Variants in BRCA1 observed in about 807,000 individuals in gnomAD.
BRCA1 encodes breast cancer type 1 susceptibility protein.
A neutral mutation model predicts 173.7 loss-of-function variants in BRCA1; 140 were observed. That is an observed-to-expected ratio of 0.81 (90% CI 0.70 to 0.93). The LOEUF (loss-of-function observed/expected upper bound fraction) is 0.93, where lower values mean the gene tolerates loss of function less well. Among genes scored for constraint, BRCA1 ranks in the 40% least tolerant of loss-of-function variants. The pLI, the probability that BRCA1 is intolerant of heterozygous loss-of-function variation, is 0.00. For missense variants in BRCA1, 1,983 were observed against 2,172.5 expected, an observed-to-expected ratio of 0.91 and a Z score of 1.73; for synonymous variants, 662 against 756.0, an observed-to-expected ratio of 0.88 and a Z score of 2.04.
intron 14 of BRCA1, among the ~76,000 whole-genome samples, chr17:43,072,934 C>G (rs572457502): frequency 6.6e-6 from 1 of 150,434 alleles, no homozygotes; most frequent in East Asian, 2.0e-4. Context: ...CCAGGCTGGT[C>G]TTGAACTCTT....
At position 43,093,712 on chromosome 17, in the gene BRCA1, T is replaced by C. The variant is rs80357220; in HGVS notation, c.1819A>G (p.Lys607Glu). The change falls in exon 10 of 23, where the codon AAA (lysine) becomes GAA (glutamate). Residue 607 changes from lysine (K) to glutamate (E), a missense_variant. By Grantham distance (56) the Lys-to-Glu change is moderately conservative. Coordinates refer to ENST00000357654, the MANE Select transcript of BRCA1 (RefSeq NM_007294.4). ...ELNIHNSKAP[K>E]KNRLRRKSST... Reference sequence around the variant, plus strand: ...GACTTCCTCCTCAGCCTATTCTTTTTAGGTGCTTTTGAATTGTGGATATTT... The same window carrying C: ...GACTTCCTCCTCAGCCTATTCTTTTCAGGTGCTTTTGAATTGTGGATATTT... 1 of 1,614,126 alleles carries C rather than the reference T, an allele frequency of 6.2e-7. No homozygotes were observed. The highest frequency in any genetic ancestry group is 2.2e-5 in the East Asian group (1 of 44,878).
At chr17:43,090,374 TTTTG>T (rs893158988) in intron 11 of BRCA1, among the ~76,000 whole-genome samples, 4 of 152,076 alleles carry the variant, frequency 2.6e-5, no homozygotes, top group Admixed American at 6.6e-5. Flanking sequence ...AATGATGTGT[TTTTG>T]TTTGTTTGTT....
chr17:43,094,588 T>C lies in BRCA1; in HGVS notation c.943A>G (p.Arg315Gly), dbSNP rs80357050. The C allele has an allele frequency of 6.2e-7, 1 of 1,614,218 alleles. No individual in the cohort carries two copies. Among genetic ancestry groups the C allele is most frequent in the African/African-American group, 1.3e-5 (1 of 75,068 alleles). ...CNKSKQPGLARSQHNRWAGSK... is the reference protein window; with the variant it reads ...CNKSKQPGLAGSQHNRWAGSK... ...CCAGCCCATCTGTTATGTTGGCTCC[T>C]TGCTAAGCCAGGCTGTTTGCTTTTA... The change falls in exon 10 of 23, where the codon AGG becomes GGG. Residue 315 changes from arginine (R) to glycine (G), a missense_variant. Physicochemically the swap from Arg to Gly is moderately radical, Grantham distance 125 (BLOSUM62 -2). Transcript: ENST00000357654.
chr17:43,145,156 C>CA, intron 1 of BRCA1: 1 of 707,582 alleles, frequency 1.4e-6, no homozygotes. Flanking sequence ...AGTGGCTAAC[C>CA]AAAAAACTAA....
intron 1 of BRCA1, among the ~76,000 whole-genome samples, chr17:43,140,840 G>A (rs763279001): frequency 6.6e-6 from 1 of 152,128 alleles, no homozygotes; most frequent in Non-Finnish European, 1.5e-5. Flanking sequence ...CTCCCCAGGC[G>A]GCCTGACCTT....
At chr17:43,080,816 C>T (rs1486939058) in intron 12 of BRCA1, among the ~76,000 whole-genome samples, 1 of 151,770 alleles carries the variant, frequency 6.6e-6, no homozygotes, top group Non-Finnish European at 1.5e-5. Flanking sequence ...TAAGGTGAGG[C>T]TCAGGTCGGG....
chr17:43,049,068 T>A lies in BRCA1; in HGVS notation c.5406+53A>T, dbSNP rs273901766. 1 of 1,559,616 alleles carries A rather than the reference T, an allele frequency of 6.4e-7. No individual in the cohort carries two copies. On this transcript the variant is annotated intron_variant, in intron 21 of 22. Coordinates refer to ENST00000357654, the MANE Select transcript of BRCA1 (RefSeq NM_007294.4). The stretch of plus-strand genomic sequence containing the variant: ...AGGGACTGACAGGTGCCAGTCTTGC[T>A]CACAGGAGAGAATATTGTGTCCTCC...
chr17:43,094,775 A>G lies in BRCA1; in HGVS notation c.756T>C (p.Arg252=), dbSNP rs786201338. The G allele has an allele frequency of 7.4e-6, 12 of 1,612,136 alleles. No homozygotes were observed. In the East Asian group the frequency reaches 2.7e-4, roughly 36 times the overall value. Residue 252 remains arginine, a synonymous_variant, in exon 10 of 23, where the codon CGT becomes CGC. Coordinates refer to ENST00000357654, the MANE Select transcript of BRCA1 (RefSeq NM_007294.4). Reference sequence around the variant, plus strand: ...ACTTTTCTGGATGCCTCTCAGCTGCACGCTTCTCAGTGGTGTTCAAATCAT... The same window carrying G: ...ACTTTTCTGGATGCCTCTCAGCTGCGCGCTTCTCAGTGGTGTTCAAATCAT... ...SNNDLNTTEK[R]AAERHPEKYQ...
intron 1 of BRCA1, among the ~76,000 whole-genome samples, chr17:43,137,307 T>A (rs1217231714): frequency 6.8e-6 from 1 of 146,810 alleles, no homozygotes; most frequent in Non-Finnish European, 1.5e-5. Context: ...GGGATAGCAT[T>A]AGGAGATATC....
intron 4 of BRCA1, among the ~76,000 whole-genome samples, chr17:43,105,971 A>G (rs2054742338): frequency 6.6e-6 from 1 of 152,092 alleles, no homozygotes; most frequent in Non-Finnish European, 1.5e-5. Flanking sequence ...TACAAAAAAT[A>G]CAAAAATTGG....
Position 43,063,322 on chromosome 17 carries a change from C to T in BRCA1, c.5193+11G>A, listed in dbSNP as rs1567768534. 6.2e-7 allele frequency: 1 copy of T among 1,600,802 alleles called. No homozygotes were observed. Among genetic ancestry groups the T allele is most frequent in the Non-Finnish European group, 8.6e-7 (1 of 1,168,012 alleles). ...AATATCTCTGGTTAGTTTGTAACATCAAGTACTTACCTCATTCAGCATTTT... is the reference window on the plus strand; with the variant it reads ...AATATCTCTGGTTAGTTTGTAACATTAAGTACTTACCTCATTCAGCATTTT... On this transcript the variant is annotated intron_variant, in intron 18 of 22. Coordinates refer to ENST00000357654, the MANE Select transcript of BRCA1 (RefSeq NM_007294.4).
At chr17:43,126,736 GC>G (rs1244678544), upstream of BRCA1, among the ~76,000 whole-genome samples, 1 of 152,142 alleles carries the variant, frequency 6.6e-6, no homozygotes, top group Non-Finnish European at 1.5e-5. Flanking sequence ...GTCCATTCTG[GC>G]CGTGCTGGAG....
At chr17:43,057,840 C>T (rs2051573968) in intron 18 of BRCA1, among the ~76,000 whole-genome samples, 1 of 148,342 alleles carries the variant, frequency 6.7e-6, no homozygotes, top group South Asian at 2.1e-4. Context: ...CGTCTCAAAA[C>T]AAACAAACAA....
chr17:43,044,803 CCTT>C lies in BRCA1; in HGVS notation c.*872_*874del. On this transcript the variant is annotated 3_prime_UTR_variant, in exon 23 of 23. Coordinates refer to ENST00000357654, the MANE Select transcript of BRCA1 (RefSeq NM_007294.4). ...TAGAAATCTCTTCTAGTTTCATTTT[CCTT>C]TTTTTTTTTTTTTTTTTGAGCCACA... 2.4e-6 allele frequency: 1 copy of C among 411,312 alleles called. No individual in the cohort carries two copies. The highest frequency in any genetic ancestry group is 4.5e-6 in the Non-Finnish European group (1 of 222,306). 25.5% of individuals were successfully genotyped at this position (411,312 alleles called of 1,614,324 possible). A position where few individuals can be genotyped will look rare whatever the true frequency, so the allele number is the denominator to read the frequency against.
chr17:43,055,296 T>C (rs1450383018), intron 19 of BRCA1, among the ~76,000 whole-genome samples: 1 of 152,234 alleles, frequency 6.6e-6, no homozygotes, highest in African/African-American at 2.4e-5. Context: ...CTCCATTTTT[T>C]TTCCCTCCGT....
intron 1 of BRCA1, among the ~76,000 whole-genome samples, chr17:43,157,183 T>C (rs941136738): frequency 3.3e-5 from 5 of 152,162 alleles, no homozygotes; most frequent in East Asian, 1.9e-4. Context: ...AATAGTGACT[T>C]AGAGTCCAGC....
intron 1 of BRCA1, chr17:43,145,349 CAG>C (rs1444570139): frequency 1.3e-5 from 5 of 373,920 alleles, no homozygotes; most frequent in Admixed American, 8.0e-5. Context: ...TTTTTTGAGA[CAG>C]AGTCTCGCTC....
chr17:43,108,918 G>A (rs1303710417), intron 3 of BRCA1, among the ~76,000 whole-genome samples: 2 of 151,918 alleles, frequency 1.3e-5, no homozygotes, highest in African/African-American at 2.4e-5. Context: ...TCTTGAACCC[G>A]GGAGGCGGAG....
intron 3 of BRCA1, chr17:43,110,450 G>T (rs1473343960): frequency 6.0e-6 from 2 of 334,718 alleles, no homozygotes; most frequent in East Asian, 1.6e-4. Context: ...GCTGGATATG[G>T]TGGTGTGCAC....
Sources: gnomAD v4.1 joint callset for allele counts (sites outside exome capture counted in the v4.1 genomes callset) on GRCh38, gnomAD v4.1.1 for gene constraint, MANE v1.5 for transcripts, NCBI Gene and HGNC (gene_info 2026-07-23, HGNC 2026-07-21) for gene names.